The following TTC29 variants were observed in gnomAD, a reference collection of about 807,000 sequenced individuals.
The protein encoded by TTC29 is tetratricopeptide repeat domain 29.
A neutral mutation model predicts 58.1 loss-of-function variants in TTC29; 49 were observed. The observed-to-expected ratio is 0.84, with a 90% CI of 0.67 to 1.07. The LOEUF (loss-of-function observed/expected upper bound fraction) is 1.07. Ranked by LOEUF, TTC29 falls within the 50% of genes least tolerant of loss-of-function variation. The pLI is 0.00. For missense variants in TTC29, 582 were observed against 555.6 expected (o/e 1.05, Z -0.48); for synonymous variants, 209 against 196.8 (o/e 1.06, Z -0.52).
chr4:146,945,668 T>C (rs2150349048), intron 1 of TTC29, 41 bp downstream of exon 1: 1 of 152,596 alleles, frequency 6.6e-6, no homozygotes, highest in Middle Eastern at 3.4e-3. Flanking sequence ...TCCAAGGAGC[T>C]GAGGAAGTCC....
intron 8 of TTC29, among the ~76,000 whole-genome samples, chr4:146,848,511 G>C (rs186961505): frequency 5.7e-4 from 87 of 152,266 alleles, no homozygotes; most frequent in African/African-American, 2.1e-3. Context: ...GGTTTATTTA[G>C]AGGTGTGATT....
intron 9 of TTC29, among the ~76,000 whole-genome samples, chr4:146,822,388 C>T (rs1260409633): frequency 6.6e-6 from 1 of 152,168 alleles, no homozygotes; most frequent in Non-Finnish European, 1.5e-5. Flanking sequence ...TTTCCAGCTT[C>T]ATCCGTGTCC....
At chr4:146,846,260 A>T (rs1022512878) in intron 8 of TTC29, among the ~76,000 whole-genome samples, 6 of 152,050 alleles carry the variant, frequency 3.9e-5, no homozygotes, top group Non-Finnish European at 2.9e-5. Flanking sequence ...TGACACAAGA[A>T]CCCCCTATCT....
At chr4:146,909,738 T>C (rs577046093) in intron 4 of TTC29, among the ~76,000 whole-genome samples, 156 of 152,334 alleles carry the variant, frequency 1.0e-3, no homozygotes, top group African/African-American at 3.7e-3. Context: ...CTATATATTT[T>C]TTAATTACTT....
At chr4:146,830,368 G>T (rs1462709494) in intron 9 of TTC29, among the ~76,000 whole-genome samples, 1 of 151,978 alleles carries the variant, frequency 6.6e-6, no homozygotes, top group Non-Finnish European at 1.5e-5. Flanking sequence ...CAGTCTTGAG[G>T]GATTGTGGTG....
intron 6 of TTC29, among the ~76,000 whole-genome samples, chr4:146,897,556 G>T (rs544408944): frequency 1.3e-5 from 2 of 152,298 alleles, no homozygotes; most frequent in South Asian, 2.1e-4. Flanking sequence ...TCATGCAGGG[G>T]AGGGGCTGAT....
chr4:146,816,954 G>A (rs1751451233), intron 10 of TTC29, among the ~76,000 whole-genome samples: 1 of 152,122 alleles, frequency 6.6e-6, no homozygotes, highest in Admixed American at 6.5e-5. Context: ...TGAGGGTCTG[G>A]CAAAGGGGAA....
intron 4 of TTC29, among the ~76,000 whole-genome samples, chr4:146,923,664 G>A (rs556892012): frequency 6.6e-6 from 1 of 151,850 alleles, no homozygotes; most frequent in East Asian, 1.9e-4. Context: ...TGAAATGAAA[G>A]GTCCTTGTTA....
intron 11 of TTC29, among the ~76,000 whole-genome samples, chr4:146,713,604 CTT>C: frequency 6.6e-6 from 1 of 152,230 alleles, no homozygotes; most frequent in South Asian, 2.1e-4. Flanking sequence ...GATAGACTCT[CTT>C]AAGTGTCAAA....
intron 8 of TTC29, among the ~76,000 whole-genome samples, chr4:146,855,637 A>C (rs1243957738): frequency 1.3e-5 from 2 of 152,160 alleles, no homozygotes; most frequent in African/African-American, 4.8e-5. Flanking sequence ...AAATCCTAGC[A>C]TATGTTATTG....
intron 8 of TTC29, among the ~76,000 whole-genome samples, chr4:146,845,869 A>C (rs1462228750): frequency 6.6e-6 from 1 of 151,954 alleles, no homozygotes; most frequent in Admixed American, 6.6e-5. Context: ...TCTAGCACTC[A>C]CCACATTGTG....
At chr4:146,800,163 G>C (rs1238243654) in intron 11 of TTC29, among the ~76,000 whole-genome samples, 2 of 152,166 alleles carry the variant, frequency 1.3e-5, no homozygotes, top group Non-Finnish European at 2.9e-5. Flanking sequence ...CCATATCTAA[G>C]AGTCTTAGAA....
chr4:146,713,324 G>T (rs1255840218), intron 11 of TTC29, among the ~76,000 whole-genome samples: 1 of 149,462 alleles, frequency 6.7e-6, no homozygotes, highest in South Asian at 2.1e-4. Context: ...CTATAATATT[G>T]GTTTGTCATT....
At position 146,727,723 on chromosome 4, in the gene TTC29, G is replaced by A. The variant is rs372679114; in HGVS notation, c.1331-20172C>T. On this transcript the variant is annotated intron_variant, in intron 11 of 12. Transcript: ENST00000325106. ...TATTCCATTGTCGGGATATACCACTGTTTATTAAAATAAATTCAGCTACCG... is the reference window on the plus strand; with the variant it reads ...TATTCCATTGTCGGGATATACCACTATTTATTAAAATAAATTCAGCTACCG... 1.5e-4 allele frequency among the ~76,000 whole-genome samples: 23 copies of A among 152,198 alleles called. No individual in the cohort carries two copies. The South Asian group carries it at 4.6e-3, about 30-fold the overall frequency.
intron 11 of TTC29, among the ~76,000 whole-genome samples, chr4:146,711,568 A>G (rs556012536): frequency 1.3e-5 from 2 of 152,196 alleles, no homozygotes; most frequent in South Asian, 4.1e-4. Flanking sequence ...AAAAAATAAA[A>G]CTCAGATTAT....
chr4:146,928,113 A>T (rs1179554375), intron 4 of TTC29, among the ~76,000 whole-genome samples: 1 of 152,176 alleles, frequency 6.6e-6, no homozygotes, highest in Non-Finnish European at 1.5e-5. Context: ...AAGGAGAAAA[A>T]TCATTCTAGG....
At chr4:146,945,348 C>T (rs1034549719) in intron 1 of TTC29, 1 of 152,044 alleles carries the variant, frequency 6.6e-6, no homozygotes, top group South Asian at 2.1e-4. Context: ...TAGGGATAAC[C>T]ATTTGTTCTC....
intron 11 of TTC29, among the ~76,000 whole-genome samples, chr4:146,708,988 C>A (rs569214388): frequency 6.6e-6 from 1 of 152,042 alleles, no homozygotes; most frequent in South Asian, 2.1e-4. Flanking sequence ...TCCTCTTTCC[C>A]TTTCTAACAC....
chr4:146,811,373 C>G (rs982053236), intron 10 of TTC29, among the ~76,000 whole-genome samples: 2 of 152,130 alleles, frequency 1.3e-5, no homozygotes, highest in Non-Finnish European at 2.9e-5. Flanking sequence ...TTCTAAAAAT[C>G]CTCATGAAAA....
Sources: gnomAD v4.1 joint callset for allele counts (sites outside exome capture counted in the v4.1 genomes callset) on GRCh38, gnomAD v4.1.1 for gene constraint, MANE v1.5 for transcripts, NCBI Gene and HGNC (gene_info 2026-07-23, HGNC 2026-07-21) for gene names.